MACC1: variants seen among roughly 807,000 people sequenced by gnomAD.
MACC1 encodes metastasis-associated in colon cancer protein 1.
Under a neutral mutation model 70.7 loss-of-function variants are expected in MACC1, and 79 were observed. The observed-to-expected ratio is 1.12, with a 90% confidence interval of 0.93 to 1.35. MACC1 has a LOEUF of 1.35. MACC1 is among the 40% of genes most tolerant of loss of function. The probability of loss-of-function intolerance (pLI) is 0.00; values close to 1 mark genes in which losing one functional copy is unlikely to be tolerated. For missense variants in MACC1, 1,106 were observed against 978.1 expected, an observed-to-expected ratio of 1.13 and a Z score of -1.74; for synonymous variants, 361 against 347.2, an observed-to-expected ratio of 1.04 and a Z score of -0.44.
intron 1 of MACC1, among the ~76,000 whole-genome samples, chr7:20,214,793 A>G (rs543766829): frequency 6.6e-6 from 1 of 152,304 alleles, no homozygotes; most frequent in South Asian, 2.1e-4. Context: ...TGTAATCTTA[A>G]TGTTATTGTT....
intron 1 of MACC1, among the ~76,000 whole-genome samples, chr7:20,186,609 T>C (rs1347338733): frequency 2.0e-5 from 3 of 152,042 alleles, no homozygotes; most frequent in African/African-American, 7.2e-5. Flanking sequence ...TGACAATTTA[T>C]ATAAATAACA....
At chr7:20,196,978 C>G (rs1782763891) in intron 1 of MACC1, among the ~76,000 whole-genome samples, 1 of 152,032 alleles carries the variant, frequency 6.6e-6, no homozygotes, top group Non-Finnish European at 1.5e-5. Context: ...TAGTCATTGT[C>G]TTTTGTAAGT....
intron 1 of MACC1, among the ~76,000 whole-genome samples, chr7:20,188,488 T>A (rs1438610498): frequency 6.6e-6 from 1 of 152,236 alleles, no homozygotes; most frequent in Non-Finnish European, 1.5e-5. Flanking sequence ...TCTATAAGCA[T>A]AAAACATCAG....
chr7:20,154,207 C>A lies in MACC1; in HGVS notation c.2332G>T (p.Asp778Tyr), dbSNP rs1376442208. 6.2e-7 allele frequency: 1 copy of A among 1,613,916 alleles called. No individual in the cohort carries two copies. Among genetic ancestry groups the A allele is most frequent in the Admixed American group, 1.7e-5 (1 of 59,980 alleles). ...YEIPHRGNTG[D>Y]VAVEMMWKPA... is the part of the protein sequence containing the mutation. ...AGAAGTCTTACCTCAACAGCAACAT[C>A]TCCAGTGTTTCCTCGATGAGGAATT... is the stretch of plus-strand genomic sequence containing the variant. Residue 778 changes from aspartate (D) to tyrosine (Y), a missense_variant, in exon 6 of 7, where the codon GAT (aspartate) becomes TAT (tyrosine). Physicochemically the swap from Asp to Tyr is radical, Grantham distance 160. Transcript: ENST00000400331.
intron 6 of MACC1, among the ~76,000 whole-genome samples, chr7:20,147,000 G>A (rs776406946): frequency 6.6e-5 from 10 of 152,186 alleles, no homozygotes; most frequent in Non-Finnish European, 1.5e-4. Flanking sequence ...AAGGGCAGCA[G>A]CGTGAGTAAG....
chr7:20,137,633 TGG>T lies in MACC1; in HGVS notation c.*3311_*3312del, dbSNP rs1781735644. The stretch of plus-strand genomic sequence containing the variant: ...AATGCTTAAAGAAGTTTTAGATTAA[TGG>T]GATTTGATACTTTTAATGATGTCAA... On this transcript the variant is annotated 3_prime_UTR_variant, in exon 7 of 7. Coordinates refer to ENST00000400331, the MANE Select transcript of MACC1 (RefSeq NM_182762.4). 6.6e-6 allele frequency: 1 copy of T among 152,202 alleles called. No homozygotes were observed. The highest frequency in any genetic ancestry group is 2.1e-4 in the South Asian group (1 of 4,836). The allele number at this position is 152,202 out of a possible 1,614,324, so 9.4% of individuals were successfully genotyped here. A position where few individuals can be genotyped will look rare whatever the true frequency, so the allele number is the denominator to read the frequency against.
intron 6 of MACC1, among the ~76,000 whole-genome samples, chr7:20,153,889 A>T (rs545856028): frequency 6.6e-6 from 1 of 152,210 alleles, no homozygotes; most frequent in African/African-American, 2.4e-5. Context: ...CTGTTTTATG[A>T]CTCAAGTTCT....
At chr7:20,161,149 CT>C (rs1415654523) in intron 4 of MACC1, among the ~76,000 whole-genome samples, 1 of 152,002 alleles carries the variant, frequency 6.6e-6, no homozygotes, top group East Asian at 1.9e-4. Context: ...ATTATAAAGA[CT>C]CTGTAGACTT....
At chr7:20,181,322 T>C (rs1037227319) in intron 1 of MACC1, among the ~76,000 whole-genome samples, 1 of 152,046 alleles carries the variant, frequency 6.6e-6, no homozygotes, top group Non-Finnish European at 1.5e-5. Context: ...ATTATATTGA[T>C]AGAAAGGACA....
At chr7:20,168,640 G>T (rs1385566577) in intron 2 of MACC1, among the ~76,000 whole-genome samples, 1 of 152,174 alleles carries the variant, frequency 6.6e-6, no homozygotes, top group Non-Finnish European at 1.5e-5. Context: ...GTGTGTTGAT[G>T]TCATCTCACC....
chr7:20,160,649 C>T (rs1166668936), intron 4 of MACC1, among the ~76,000 whole-genome samples: 6 of 151,926 alleles, frequency 3.9e-5, no homozygotes, highest in Non-Finnish European at 7.4e-5. Flanking sequence ...ATCAGTTATT[C>T]AATTATCCAT....
intron 1 of MACC1, among the ~76,000 whole-genome samples, chr7:20,174,953 C>A (rs1404319048): frequency 6.6e-6 from 1 of 152,024 alleles, no homozygotes; most frequent in African/African-American, 2.4e-5. Flanking sequence ...CTAAATATAT[C>A]AACCCTTCAT....
intron 1 of MACC1, among the ~76,000 whole-genome samples, chr7:20,206,014 T>C (rs923820429): frequency 3.9e-5 from 6 of 152,046 alleles, no homozygotes; most frequent in African/African-American, 1.4e-4. Flanking sequence ...TTCACAATCT[T>C]CTCTGTTGTT....
intron 6 of MACC1, among the ~76,000 whole-genome samples, chr7:20,149,148 T>A (rs1332453765): frequency 6.6e-6 from 1 of 152,172 alleles, no homozygotes; most frequent in African/African-American, 2.4e-5. Flanking sequence ...AATAAGCTGA[T>A]CAGCCAAGAC....
intron 6 of MACC1, among the ~76,000 whole-genome samples, chr7:20,148,019 C>T (rs1781920021): frequency 6.6e-6 from 1 of 152,062 alleles, no homozygotes; most frequent in African/African-American, 2.4e-5. Context: ...TCAATGTAAA[C>T]ATTAAAACAA....
chr7:20,174,666 C>T (rs1276567586), intron 1 of MACC1, among the ~76,000 whole-genome samples: 1 of 151,960 alleles, frequency 6.6e-6, no homozygotes, highest in Non-Finnish European at 1.5e-5. Flanking sequence ...TGGCATTTCC[C>T]TATTCACATA....
intron 1 of MACC1, among the ~76,000 whole-genome samples, chr7:20,205,087 T>C (rs1223028130): frequency 6.6e-6 from 1 of 152,180 alleles, no homozygotes; most frequent in East Asian, 1.9e-4. Flanking sequence ...ATACAATTTT[T>C]TTTTTAGAAT....
chr7:20,194,489 C>T (rs551158248), intron 1 of MACC1, among the ~76,000 whole-genome samples: 1 of 152,308 alleles, frequency 6.6e-6, no homozygotes, highest in South Asian at 2.1e-4. Flanking sequence ...TGAAGAGCCT[C>T]ACTTAAGGAG....
At chr7:20,215,603 T>C (rs1050300119) in intron 1 of MACC1, among the ~76,000 whole-genome samples, 3 of 152,226 alleles carry the variant, frequency 2.0e-5, no homozygotes, top group African/African-American at 7.2e-5. Context: ...CACAGTCATC[T>C]GAAATGCTGG....
Sources: gnomAD v4.1 joint callset for allele counts (sites outside exome capture counted in the v4.1 genomes callset) on GRCh38, gnomAD v4.1.1 for gene constraint, MANE v1.5 for transcripts, NCBI Gene and HGNC (gene_info 2026-07-23, HGNC 2026-07-21) for gene names.